The following C8orf34 variants were observed in gnomAD, a reference collection of about 807,000 sequenced individuals.
C8orf34 encodes chromosome 8 open reading frame 34.
C8orf34 carries 65 observed loss-of-function variants against 68.3 expected under a neutral mutation model. The ratio of observed to expected loss-of-function variants is 0.95; its 90% confidence interval spans 0.78 to 1.17. The LOEUF is 1.17. Among genes scored for constraint, C8orf34 ranks in the 50% most tolerant of loss-of-function variants. The pLI is 0.00. For synonymous variants in C8orf34, 244 were observed against 241.2 expected, an observed-to-expected ratio of 1.01 and a Z score of -0.11; for missense variants, 664 against 655.4, an observed-to-expected ratio of 1.01 and a Z score of -0.14.
intron 7 of C8orf34, among the ~76,000 whole-genome samples, chr8:68,589,281 T>C (rs1354596819): frequency 6.6e-6 from 1 of 152,178 alleles, no homozygotes; most frequent in African/African-American, 2.4e-5. Flanking sequence ...TATTTCATTG[T>C]GTTTGACTTC....
At chr8:68,435,629 G>A (rs1362610021) in intron 1 of C8orf34, among the ~76,000 whole-genome samples, 7 of 152,130 alleles carry the variant, frequency 4.6e-5, no homozygotes, top group Admixed American at 2.0e-4. Flanking sequence ...ATTCAACTCC[G>A]AAGATTAGTA....
intron 10 of C8orf34, among the ~76,000 whole-genome samples, chr8:68,756,086 CAA>C (rs11393381): frequency 4.8e-5 from 7 of 145,836 alleles, no homozygotes; most frequent in Non-Finnish European, 1.1e-4. Flanking sequence ...AACAAAAAAA[CAA>C]AAAAAAAAAC....
intron 7 of C8orf34, among the ~76,000 whole-genome samples, chr8:68,638,309 T>C (rs1051277477): frequency 1.3e-4 from 17 of 134,312 alleles, no homozygotes; most frequent in Non-Finnish European, 6.2e-5. Flanking sequence ...AGCTAGAACT[T>C]TTTTTTTTCT....
intron 4 of C8orf34, among the ~76,000 whole-genome samples, chr8:68,479,477 A>T (rs900891023): frequency 6.6e-6 from 1 of 152,078 alleles, no homozygotes; most frequent in Non-Finnish European, 1.5e-5. Flanking sequence ...GTGTACAATT[A>T]ATGGTTTTTA....
intron 10 of C8orf34, among the ~76,000 whole-genome samples, chr8:68,732,817 C>T (rs1233065477): frequency 6.6e-6 from 1 of 152,192 alleles, no homozygotes; most frequent in Non-Finnish European, 1.5e-5. Context: ...AATCCCAGCA[C>T]TTTGGGATGC....
At chr8:68,742,743 C>T (rs1822340494) in intron 10 of C8orf34, among the ~76,000 whole-genome samples, 1 of 123,914 alleles carries the variant, frequency 8.1e-6, no homozygotes, top group Non-Finnish European at 1.7e-5. Flanking sequence ...AAGAAAGACA[C>T]AGCTTCTTTC....
rs147554151 is a variant in C8orf34 at position 68,451,768 on chromosome 8, G to T, written c.607+5308G>T. On this transcript the variant is annotated intron_variant, in intron 3 of 13. Transcript: ENST00000518698. ...AATAATGGAAAAAATTTAAAATATT[G>T]TGAGATTTACCAAAATATTACACAG... Among the ~76,000 whole-genome samples the T allele has an allele frequency of 5.5e-3, 840 of 151,972 alleles. 9 individuals carry two copies. Among genetic ancestry groups the T allele is most frequent in the African/African-American group, 0.018 (742 of 41,448 alleles).
chr8:68,744,400 C>T (rs1173734696), intron 10 of C8orf34, among the ~76,000 whole-genome samples: 2 of 152,078 alleles, frequency 1.3e-5, no homozygotes, highest in African/African-American at 4.8e-5. Context: ...CTTTGACGAG[C>T]TGAGAGAAGA....
intron 7 of C8orf34, among the ~76,000 whole-genome samples, chr8:68,622,981 T>G (rs1459006498): frequency 6.6e-6 from 1 of 152,242 alleles, no homozygotes; most frequent in Non-Finnish European, 1.5e-5. Flanking sequence ...CAGAGACCCT[T>G]GCGGAGCAAG....
At chr8:68,802,921 A>G (rs1824374122) in intron 12 of C8orf34, among the ~76,000 whole-genome samples, 1 of 152,220 alleles carries the variant, frequency 6.6e-6, no homozygotes, top group Non-Finnish European at 1.5e-5. Context: ...CAAATGTAAC[A>G]CAGAACTTTC....
intron 3 of C8orf34, among the ~76,000 whole-genome samples, chr8:68,455,430 A>G (rs1811505257): frequency 2.0e-5 from 3 of 152,202 alleles, no homozygotes; most frequent in South Asian, 2.1e-4. Context: ...CTAGGTGTTT[A>G]TATGTTTATA....
chr8:68,612,919 T>A (rs781395093), intron 7 of C8orf34, among the ~76,000 whole-genome samples: 4 of 152,142 alleles, frequency 2.6e-5, no homozygotes, highest in Non-Finnish European at 5.9e-5. Context: ...AAAATTCCCA[T>A]GCTTAGAAAA....
intron 9 of C8orf34, among the ~76,000 whole-genome samples, chr8:68,712,485 G>A (rs1223771579): frequency 6.6e-6 from 1 of 152,130 alleles, no homozygotes; most frequent in Non-Finnish European, 1.5e-5. Context: ...TTAAGGTAAA[G>A]GGGTAGAAAA....
chr8:68,420,070 C>T (rs1809890751), intron 1 of C8orf34, among the ~76,000 whole-genome samples: 2 of 150,672 alleles, frequency 1.3e-5, no homozygotes. Context: ...GGATGACTGG[C>T]CTGAGATCCA....
At chr8:68,733,072 A>C (rs1822028740) in intron 10 of C8orf34, among the ~76,000 whole-genome samples, 1 of 152,210 alleles carries the variant, frequency 6.6e-6, no homozygotes, top group African/African-American at 2.4e-5. Context: ...TCAACAAAAA[A>C]AAAGAAACAG....
intron 3 of C8orf34, 36 bp from the exon 4 acceptor site, chr8:68,468,656 G>A (rs777300568): frequency 1.2e-6 from 2 of 1,602,924 alleles, no homozygotes; most frequent in South Asian, 2.2e-5. Context: ...TCATTATGTA[G>A]CATGCTTATG....
At chr8:68,455,672 T>C (rs1238915276) in intron 3 of C8orf34, among the ~76,000 whole-genome samples, 1 of 152,124 alleles carries the variant, frequency 6.6e-6, no homozygotes, top group Admixed American at 6.5e-5. Context: ...TACATGTAGA[T>C]CAAGTAAAAA....
intron 1 of C8orf34, among the ~76,000 whole-genome samples, chr8:68,341,909 T>G (rs1272692493): frequency 6.6e-6 from 1 of 152,154 alleles, no homozygotes; most frequent in Admixed American, 6.5e-5. Context: ...CATCAGGGGT[T>G]GAGGGTGGAG....
chr8:68,396,664 A>C (rs908931692), intron 1 of C8orf34, among the ~76,000 whole-genome samples: 8 of 141,510 alleles, frequency 5.7e-5, no homozygotes, highest in African/African-American at 1.8e-4. Flanking sequence ...CTGTCCTTCC[A>C]GTAATGAGTG....
Sources: gnomAD v4.1 joint callset for allele counts (sites outside exome capture counted in the v4.1 genomes callset) on GRCh38, gnomAD v4.1.1 for gene constraint, MANE v1.5 for transcripts, NCBI Gene and HGNC (gene_info 2026-07-23, HGNC 2026-07-21) for gene names.